Variants in PLCE1 observed in about 807,000 individuals in gnomAD.
PLCE1 encodes phospholipase C epsilon 1.
In PLCE1, 119 loss-of-function variants were observed where a neutral mutation model predicts 242.8. The observed-to-expected ratio is 0.49, with a 90% CI of 0.42 to 0.57. The LOEUF (loss-of-function observed/expected upper bound fraction) is 0.57, where lower values mean the gene tolerates loss of function less well. PLCE1 is among the 20% of genes least tolerant of loss of function. The pLI is 0.00. For synonymous variants in PLCE1, 945 were observed against 1,017.4 expected, an observed-to-expected ratio of 0.93 and a Z score of 1.35; for missense variants, 2,441 against 2,788.8, an observed-to-expected ratio of 0.88 and a Z score of 2.81.
chr10:94,296,882 T>C (rs1444437652), intron 23 of PLCE1, among the ~76,000 whole-genome samples: 1 of 149,658 alleles, frequency 6.7e-6, no homozygotes, highest in Non-Finnish European at 1.5e-5. Context: ...CTTTCTTTCT[T>C]TTTTTTTTTG....
At chr10:94,280,032 C>A in intron 20 of PLCE1, 121 bp downstream of exon 20, 1 of 1,030,642 alleles carries the variant, frequency 9.7e-7, no homozygotes, top group Non-Finnish European at 1.5e-6. Context: ...GTAATATTGT[C>A]CAGGAGTTTC....
chr10:94,306,417 C>A lies in PLCE1; in HGVS notation c.5623-10C>A. 1 of 1,613,956 alleles carries A rather than the reference C, an allele frequency of 6.2e-7. No individual in the cohort carries two copies. The highest frequency in any genetic ancestry group is 1.7e-5 in the Admixed American group (1 of 59,990). On this transcript the variant is annotated splice_polypyrimidine_tract_variant and intron_variant, in intron 25 of 32. Transcript: ENST00000371380. This position sits in a 1 kb window ranked among gnomAD's most constrained non-coding sequence, Gnocchi z 5.7. ...GGTGACTTTGATCCCTTTTGTCTCC[C>A]TCACCCTAGATTGTCTCTGGTCAGA...
chr10:94,163,329 T>A (rs1410132365), intron 3 of PLCE1, among the ~76,000 whole-genome samples: 1 of 152,222 alleles, frequency 6.6e-6, no homozygotes, highest in African/African-American at 2.4e-5. Context: ...GCTTTATGAA[T>A]CTGGGTGCTC....
At chr10:94,051,827 A>G (rs1336106180) in intron 2 of PLCE1, among the ~76,000 whole-genome samples, 1 of 152,186 alleles carries the variant, frequency 6.6e-6, no homozygotes, top group Non-Finnish European at 1.5e-5. Context: ...CTTCATTTGT[A>G]TTTGTTTAAT....
chr10:94,048,595 ATT>A (rs1463839422), intron 2 of PLCE1, among the ~76,000 whole-genome samples: 2 of 150,304 alleles, frequency 1.3e-5, no homozygotes, highest in Non-Finnish European at 3.0e-5. Flanking sequence ...TAAAATGCCC[ATT>A]TTCTGTTGGG....
chr10:94,158,396 G>C (rs6583927), intron 3 of PLCE1, among the ~76,000 whole-genome samples: 54,763 of 151,972 alleles, frequency 0.36, 11,243 homozygotes, highest in East Asian at 0.56. Flanking sequence ...TTTGACTCAA[G>C]TATTCCTTTT....
chr10:94,110,610 A>G (rs892707875), intron 2 of PLCE1, among the ~76,000 whole-genome samples: 7 of 152,230 alleles, frequency 4.6e-5, no homozygotes, highest in African/African-American at 1.4e-4. Context: ...TATGTAGAAA[A>G]GCAGATTATA....
At chr10:94,138,302 G>T in intron 3 of PLCE1, 2 of 347,772 alleles carry the variant, frequency 5.8e-6, no homozygotes, top group South Asian at 5.3e-5. Flanking sequence ...CCACGGTGAT[G>T]GCATGGAAGA....
At position 94,065,001 on chromosome 10, in the gene PLCE1, G is replaced by A. The variant is rs534979465; in HGVS notation, c.1206+32749G>A. Among the ~76,000 whole-genome samples the A allele has an allele frequency of 3.3e-5, 5 of 152,284 alleles. No individual in the cohort carries two copies. The South Asian group carries it at 8.3e-4, about 25-fold the overall frequency. The stretch of plus-strand genomic sequence containing the variant: ...TAAACTCAAGAGTATTTGGCACCAG[G>A]TTTAGTCCTAGCCTCTGTTTCTCAC... On this transcript the variant is annotated intron_variant, in intron 2 of 32. Coordinates refer to ENST00000371380, the MANE Select transcript of PLCE1 (RefSeq NM_016341.4).
At position 94,234,313 on chromosome 10, in the gene PLCE1, G is replaced by A; in HGVS notation, c.2214+1G>A. The A allele has an allele frequency of 6.2e-7, 1 of 1,613,816 alleles. No individual in the cohort carries two copies. Among genetic ancestry groups the A allele is most frequent in the African/African-American group, 1.3e-5 (1 of 75,046 alleles). ...CAATTCCCAAGAAGAAACTTTAGAG[G>A]TAAGGCCTTTCAGAATCATCGTGGC... is the stretch of plus-strand genomic sequence containing the variant. On this transcript the variant is annotated splice_donor_variant, in intron 6 of 32. Coordinates refer to ENST00000371380, the MANE Select transcript of PLCE1 (RefSeq NM_016341.4). LOFTEE classifies it high-confidence loss of function.
At chr10:94,135,839 C>T (rs1590098078) in intron 3 of PLCE1, among the ~76,000 whole-genome samples, 1 of 152,244 alleles carries the variant, frequency 6.6e-6, no homozygotes, top group East Asian at 1.9e-4. Context: ...GGAGTTTTAG[C>T]CATTTCTGAG....
intron 2 of PLCE1, among the ~76,000 whole-genome samples, chr10:94,103,690 G>A (rs936477265): frequency 1.3e-5 from 2 of 152,182 alleles, no homozygotes; most frequent in Non-Finnish European, 2.9e-5. Context: ...GCAATTCTAA[G>A]TGTTGAGCTA....
intron 4 of PLCE1, among the ~76,000 whole-genome samples, chr10:94,208,779 C>T (rs1053006317): frequency 3.9e-5 from 6 of 152,192 alleles, no homozygotes; most frequent in Non-Finnish European, 7.3e-5. Context: ...GGTTCTGAAA[C>T]CAAGGTACAT....
chr10:94,316,181 A>G (rs1225044741), intron 28 of PLCE1, among the ~76,000 whole-genome samples: 1 of 152,210 alleles, frequency 6.6e-6, no homozygotes, highest in African/African-American at 2.4e-5. Flanking sequence ...TGAGAAAAAG[A>G]GATTATCTTA....
chr10:94,325,162 G>A (rs2053963493), intron 32 of PLCE1, 58 bp downstream of exon 32: 10 of 1,222,336 alleles, frequency 8.2e-6, no homozygotes, highest in South Asian at 1.2e-5. Flanking sequence ...ACTTTGTAAG[G>A]AAGGCATAAT....
chr10:94,132,134 A>T, intron 2 of PLCE1, 40 bp from the exon 3 acceptor site: 1 of 1,601,022 alleles, frequency 6.2e-7, no homozygotes, highest in East Asian at 2.2e-5. Context: ...CTTTCCTAAG[A>T]AACTAGATTA....
At chr10:94,156,669 G>A (rs1258456060) in intron 3 of PLCE1, among the ~76,000 whole-genome samples, 7 of 152,132 alleles carry the variant, frequency 4.6e-5, no homozygotes, top group Non-Finnish European at 1.0e-4. Context: ...AATTTAGTCA[G>A]TCTTCAGTTC....
chr10:94,082,594 A>G (rs947909889), intron 2 of PLCE1, among the ~76,000 whole-genome samples: 1 of 152,200 alleles, frequency 6.6e-6, no homozygotes, highest in Non-Finnish European at 1.5e-5. Context: ...GTTCTTCATC[A>G]TATATCAGAG....
chr10:94,128,320 C>G lies in PLCE1; in HGVS notation c.1207-3854C>G, dbSNP rs181477136. The stretch of plus-strand genomic sequence containing the variant: ...ATTTTGACAGGTTCCCTGAACATTG[C>G]CATATCTACCACCAGTTTGTCCACA... On this transcript the variant is annotated intron_variant, in intron 2 of 32. Transcript: ENST00000371380. 5.3e-5 allele frequency among the ~76,000 whole-genome samples: 8 copies of G among 152,282 alleles called. 1 individual carries two copies. Among genetic ancestry groups the G allele is most frequent in the Admixed American group, 5.2e-4 (8 of 15,292 alleles).
Sources: gnomAD v4.1 joint callset for allele counts (sites outside exome capture counted in the v4.1 genomes callset) on GRCh38, gnomAD v4.1.1 for gene constraint, Gnocchi (gnomAD v3.1) non-coding constraint, MANE v1.5 for transcripts, NCBI Gene and HGNC (gene_info 2026-07-23, HGNC 2026-07-21) for gene names.